Variants in SETBP1 observed in about 807,000 individuals in gnomAD.
SETBP1 encodes SET binding protein 1.
Under a neutral mutation model 101.0 loss-of-function variants are expected in SETBP1, and 9 were observed. The observed-to-expected ratio is 0.09, with a 90% confidence interval of 0.05 to 0.16. The LOEUF (loss-of-function observed/expected upper bound fraction) is 0.16, where lower values mean the gene tolerates loss of function less well. SETBP1 is among the 10% of genes least tolerant of loss of function. The probability of loss-of-function intolerance (pLI) is 1.00; values close to 1 mark genes in which losing one functional copy is unlikely to be tolerated. For missense variants in SETBP1, 1,858 were observed against 2,033.8 expected (o/e 0.91, Z 1.66); for synonymous variants, 818 against 788.5 (o/e 1.04, Z -0.63).
At chr18:44,776,071 G>T (rs1272482570) in intron 2 of SETBP1, among the ~76,000 whole-genome samples, 1 of 152,236 alleles carries the variant, frequency 6.6e-6, no homozygotes, top group Non-Finnish European at 1.5e-5. Context: ...GTCCGGAGGT[G>T]TGGCTATCTG....
chr18:44,770,267 A>G (rs1198311431), intron 2 of SETBP1, among the ~76,000 whole-genome samples: 3 of 152,248 alleles, frequency 2.0e-5, no homozygotes, highest in Non-Finnish European at 1.5e-5. Flanking sequence ...GCATAGAGCC[A>G]TAAGTAAAAC....
chr18:44,923,304 T>G (rs1406474247), intron 3 of SETBP1, among the ~76,000 whole-genome samples: 1 of 152,206 alleles, frequency 6.6e-6, no homozygotes, highest in Non-Finnish European at 1.5e-5. Flanking sequence ...TTTAACTCCT[T>G]TCCTCCTGAG....
At chr18:44,882,733 G>T (rs570462428) in intron 3 of SETBP1, among the ~76,000 whole-genome samples, 1 of 152,286 alleles carries the variant, frequency 6.6e-6, no homozygotes, top group South Asian at 2.1e-4. Context: ...CAGACAGGAA[G>T]AATAGGTCAT....
intron 4 of SETBP1, among the ~76,000 whole-genome samples, chr18:45,009,482 T>G (rs2072794386): frequency 1.3e-5 from 2 of 151,846 alleles, no homozygotes; most frequent in Admixed American, 1.3e-4. Context: ...TGTAACATGC[T>G]TGTTGTTTTT....
chr18:45,063,042 T>A, intron 5 of SETBP1, 37 bp from the exon 6 acceptor site: 1 of 1,612,568 alleles, frequency 6.2e-7, no homozygotes, highest in Non-Finnish European at 8.5e-7. Flanking sequence ...GCACCTTGCA[T>A]CCTGTGCTCA....
At chr18:44,905,402 A>G (rs535230930) in intron 3 of SETBP1, among the ~76,000 whole-genome samples, 1 of 152,338 alleles carries the variant, frequency 6.6e-6, no homozygotes, top group South Asian at 2.1e-4. Flanking sequence ...ATTTGGAAGG[A>G]TACGGAATAT....
chr18:44,876,903 T>C (rs927963811), intron 3 of SETBP1: 2 of 1,373,818 alleles, frequency 1.5e-6, no homozygotes, highest in Non-Finnish European at 1.9e-6. Context: ...TCTCTCTGGG[T>C]CTAAAAGATA....
intron 3 of SETBP1, among the ~76,000 whole-genome samples, chr18:44,930,810 A>C (rs2070814569): frequency 1.3e-5 from 2 of 150,036 alleles, no homozygotes; most frequent in Non-Finnish European, 3.0e-5. Flanking sequence ...TATTGTGTCT[A>C]TTTGAGTCTT....
rs533468311 is a variant in SETBP1 at position 45,027,355 on chromosome 18, G to C, written c.4001-11130G>C. 9.2e-5 allele frequency among the ~76,000 whole-genome samples: 14 copies of C among 152,294 alleles called. No individual in the cohort carries two copies. The East Asian group carries it at 2.5e-3, about 27-fold the overall frequency. ...CCAGAAGGAAACCAAAGCAGAATGAGATTCCAAGTCTTGTCCAAGTTCATC... is the reference window on the plus strand; with the variant it reads ...CCAGAAGGAAACCAAAGCAGAATGACATTCCAAGTCTTGTCCAAGTTCATC... On this transcript the variant is annotated intron_variant, in intron 4 of 5. Transcript: ENST00000649279.
chr18:44,891,030 G>A (rs1184026839), intron 3 of SETBP1, among the ~76,000 whole-genome samples: 1 of 152,130 alleles, frequency 6.6e-6, no homozygotes, highest in African/African-American at 2.4e-5. Flanking sequence ...AGTTTTAATG[G>A]ATTTACAGTT....
At chr18:45,029,272 C>G (rs1368534247) in intron 4 of SETBP1, among the ~76,000 whole-genome samples, 1 of 152,026 alleles carries the variant, frequency 6.6e-6, no homozygotes, top group Non-Finnish European at 1.5e-5. Context: ...ATAGGGAATC[C>G]TTTCCCCATT....
In SETBP1 at chr18:44,951,386, G is replaced by T. The variant is rs1429553025; in HGVS notation, c.2046G>T (p.Leu682Phe). The change falls in exon 4 of 6, where the codon TTG (leucine) becomes TTT (phenylalanine). Residue 682 changes from leucine (L) to phenylalanine (F), a missense_variant. Leu to Phe is a conservative substitution (Grantham distance 22). Coordinates refer to ENST00000649279, the MANE Select transcript of SETBP1 (RefSeq NM_015559.3). The surrounding 1 kb of genome is among the most constrained non-coding windows in gnomAD (Gnocchi z 7.8). ...LKRKNILNQI[L>F]SCSSSVALKA... ...GGAAAAACATCTTGAATCAGATCTTGTCCTGTTCCAGCAGCGTTGCTCTGA... is the reference window on the plus strand; with the variant it reads ...GGAAAAACATCTTGAATCAGATCTTTTCCTGTTCCAGCAGCGTTGCTCTGA... The T allele has an allele frequency of 1.2e-6, 2 of 1,614,124 alleles. No individual in the cohort carries two copies. Among genetic ancestry groups the T allele is most frequent in the Non-Finnish European group, 1.7e-6 (2 of 1,180,042 alleles).
At chr18:45,048,399 C>G (rs899156258) in intron 5 of SETBP1, among the ~76,000 whole-genome samples, 1 of 152,218 alleles carries the variant, frequency 6.6e-6, no homozygotes, top group Non-Finnish European at 1.5e-5. Flanking sequence ...CTAAAGTTAT[C>G]TCATGTCAGG....
At chr18:44,920,159 G>C (rs1370403613) in intron 3 of SETBP1, among the ~76,000 whole-genome samples, 4 of 152,168 alleles carry the variant, frequency 2.6e-5, no homozygotes, top group Non-Finnish European at 5.9e-5. Flanking sequence ...CTTGAGTGCT[G>C]CAACCCTCAG....
intron 2 of SETBP1, among the ~76,000 whole-genome samples, chr18:44,767,737 T>G (rs988258475): frequency 2.6e-5 from 4 of 152,248 alleles, no homozygotes; most frequent in Admixed American, 1.3e-4. Flanking sequence ...TATGTTATTC[T>G]TATGTCTTTA....
intron 4 of SETBP1, among the ~76,000 whole-genome samples, chr18:45,004,001 A>G (rs1160924150): frequency 6.6e-6 from 1 of 152,200 alleles, no homozygotes; most frequent in Non-Finnish European, 1.5e-5. Flanking sequence ...TTCTGCTGGC[A>G]TCTGGTGAGT....
intron 4 of SETBP1, among the ~76,000 whole-genome samples, chr18:45,021,375 G>A (rs535912474): frequency 6.6e-6 from 1 of 152,240 alleles, no homozygotes; most frequent in South Asian, 2.1e-4. Context: ...CCCCCAGCCT[G>A]GTCTAATGGC....
At chr18:45,054,281 G>C (rs560450198) in intron 5 of SETBP1, among the ~76,000 whole-genome samples, 64 of 152,156 alleles carry the variant, frequency 4.2e-4, no homozygotes, top group African/African-American at 1.3e-3. Flanking sequence ...TCCGCCTCCA[G>C]GGTTCAAGTG....
intron 3 of SETBP1, among the ~76,000 whole-genome samples, chr18:44,890,071 C>A (rs950951529): frequency 1.3e-5 from 2 of 152,100 alleles, no homozygotes; most frequent in Non-Finnish European, 2.9e-5. Context: ...ACACATTTTT[C>A]ATTTTTTTGT....
Sources: allele counts gnomAD v4.1 joint callset (sites outside exome capture counted in the v4.1 genomes callset), GRCh38; gene constraint gnomAD v4.1.1; non-coding constraint Gnocchi (gnomAD v3.1); transcripts MANE v1.5; gene names NCBI Gene and HGNC (gene_info 2026-07-23, HGNC 2026-07-21).